Variants in PARN observed in about 807,000 individuals in gnomAD.
PARN encodes the protein poly(A)-specific ribonuclease PARN.
Under a neutral mutation model 102.8 loss-of-function variants are expected in PARN, and 71 were observed. That is an observed-to-expected ratio of 0.69 (90% CI 0.57 to 0.84). The LOEUF (loss-of-function observed/expected upper bound fraction) is 0.84, where lower values mean the gene tolerates loss of function less well. PARN is among the 40% of genes least tolerant of loss of function. PARN has a pLI of 0.00. For synonymous variants in PARN, 261 were observed against 252.9 expected, an observed-to-expected ratio of 1.03 and a Z score of -0.30; for missense variants, 782 against 760.9, an observed-to-expected ratio of 1.03 and a Z score of -0.33.
At chr16:14,447,212 T>C in intron 22 of PARN, 131 bp from the exon 23 acceptor site, 1 of 538,060 alleles carries the variant, frequency 1.9e-6, no homozygotes, top group Non-Finnish European at 3.1e-6. Context: ...AGCTGCTGCC[T>C]GTGTGTAAAA....
At chr16:14,589,700 T>C (rs1312814081) in intron 13 of PARN, among the ~76,000 whole-genome samples, 1 of 151,700 alleles carries the variant, frequency 6.6e-6, no homozygotes, top group Non-Finnish European at 1.5e-5. Context: ...ATCCCGTCTC[T>C]ACTAAAAATA....
At chr16:14,463,621 A>C (rs1048687723) in intron 22 of PARN, among the ~76,000 whole-genome samples, 2 of 152,152 alleles carry the variant, frequency 1.3e-5, no homozygotes, top group African/African-American at 4.8e-5. Context: ...TGAAAATTAC[A>C]ATGTCTGAGA....
Position 14,609,136 on chromosome 16 carries a change from A to G in PARN, c.555-13T>C. 7.6e-7 allele frequency: 1 copy of G among 1,320,112 alleles called. No homozygotes were observed. Among genetic ancestry groups the G allele is most frequent in the Non-Finnish European group, 1.1e-6 (1 of 932,312 alleles). 81.8% of individuals were successfully genotyped at this position (1,320,112 alleles called of 1,614,324 possible). On this transcript the variant is annotated splice_polypyrimidine_tract_variant and intron_variant, in intron 7 of 23. Coordinates refer to ENST00000437198, the MANE Select transcript of PARN (RefSeq NM_002582.4). ...CTCTATTTTCTCTCTGAGGAATAAG[A>G]ATAGACCATAACCATCAGTACCTTT...
intron 22 of PARN, among the ~76,000 whole-genome samples, chr16:14,465,382 G>A (rs530773273): frequency 7.2e-5 from 11 of 152,128 alleles, no homozygotes; most frequent in South Asian, 2.1e-4. Flanking sequence ...TGCACCCAGC[G>A]TAAGATTTCT....
chr16:14,586,226 C>A, intron 14 of PARN, 92 bp downstream of exon 14: 1 of 740,752 alleles, frequency 1.3e-6, no homozygotes, highest in Non-Finnish European at 2.4e-6. Context: ...ATCCTCCCAC[C>A]TCAGTCTCCC....
chr16:14,469,388 G>A (rs1962579326), intron 22 of PARN, among the ~76,000 whole-genome samples: 1 of 152,168 alleles, frequency 6.6e-6, no homozygotes, highest in African/African-American at 2.4e-5. Flanking sequence ...GAGTCCTTTT[G>A]CATTTGGGAA....
chr16:14,532,849 G>T (rs901867098), intron 21 of PARN, among the ~76,000 whole-genome samples: 1 of 151,602 alleles, frequency 6.6e-6, no homozygotes, highest in African/African-American at 2.4e-5. Flanking sequence ...GGCTGGCCGG[G>T]CGGGGGGCTG....
At position 14,446,962 on chromosome 16, in the gene PARN, C is replaced by T. The variant is rs1391226093; in HGVS notation, c.1790G>A (p.Cys597Tyr). The change falls in exon 23 of 24, where the codon TGT (cysteine) becomes TAT (tyrosine). Residue 597 changes from cysteine to tyrosine, a missense_variant. Cys to Tyr is a radical substitution (Grantham distance 194). Transcript: ENST00000437198. ...CCTTCCCTCTGAGAGGGGCTCTGCA[C>T]AGGAATCGGTCTGCTCAAGCTCAGT... ...SDTELEQTDS[C>Y]AEPLSEGRKK... 2 of 1,613,800 alleles carry T rather than the reference C, an allele frequency of 1.2e-6. No homozygotes were observed. The highest frequency in any genetic ancestry group is 4.5e-5 in the East Asian group (2 of 44,888).
In PARN at chr16:14,436,582, C is replaced by A. The variant is rs1194393425; in HGVS notation, c.*135G>T. ...ACAAAAATAAAACCTGTTTTCTCCC[C>A]CCCAGGAGACAACTTGGTTTCCAAC... On this transcript the variant is annotated 3_prime_UTR_variant, in exon 24 of 24. Coordinates refer to ENST00000437198, the MANE Select transcript of PARN (RefSeq NM_002582.4). 9.3e-6 allele frequency: 6 copies of A among 646,644 alleles called. No homozygotes were observed. The South Asian group carries it at 1.1e-4, about 12-fold the overall frequency. 40.1% of individuals were successfully genotyped at this position (646,644 alleles called of 1,614,324 possible). A position where few individuals can be genotyped will look rare whatever the true frequency, so the allele number is the denominator to read the frequency against.
rs1235749848 is a variant in PARN at position 14,629,196 on chromosome 16, G to A, written c.97+401C>T. ...AGATGAAGAAGTCCTAGAGATGGAT[G>A]GTGATGTTTGCACAGCAATGTGAAT... is the stretch of plus-strand genomic sequence containing the variant. On this transcript the variant is annotated intron_variant, in intron 2 of 23. Transcript: ENST00000437198. Among the ~76,000 whole-genome samples the A allele has an allele frequency of 2.6e-5, 4 of 152,278 alleles. No homozygotes were observed. The East Asian group carries it at 5.8e-4, about 22-fold the overall frequency.
At chr16:14,590,103 T>C (rs904546111) in intron 13 of PARN, among the ~76,000 whole-genome samples, 3 of 149,642 alleles carry the variant, frequency 2.0e-5, no homozygotes, top group African/African-American at 7.4e-5. Flanking sequence ...ATACAAAAAT[T>C]AGCTGGGCAT....
At chr16:14,554,184 G>A (rs1428848154) in intron 19 of PARN, 33 bp from the exon 20 acceptor site, 1 of 1,422,766 alleles carries the variant, frequency 7.0e-7, no homozygotes, top group Non-Finnish European at 9.9e-7. Context: ...AATATTGATG[G>A]GTGAAAAGTG....
intron 18 of PARN, among the ~76,000 whole-genome samples, chr16:14,569,700 G>A (rs1238320361): frequency 3.3e-5 from 5 of 152,186 alleles, no homozygotes; most frequent in Non-Finnish European, 7.3e-5. Flanking sequence ...GAAGCAATGA[G>A]TTGCTCAAAA....
In PARN at chr16:14,446,929, G is replaced by C. The variant is rs1197244368; in HGVS notation, c.1823C>G (p.Ala608Gly). The C allele has an allele frequency of 3.1e-6, 5 of 1,613,020 alleles. No homozygotes were observed. Among genetic ancestry groups the C allele is most frequent in the Non-Finnish European group, 4.2e-6 (5 of 1,179,552 alleles). ...CTTCTTCATTCTTTTTAATTTCTTG[G>C]CCTTTTTCCTTCCCTCTGAGAGGGG... is the stretch of plus-strand genomic sequence containing the variant. ...AEPLSEGRKK[A>G]KKLKRMKKEL... is the part of the protein sequence containing the mutation. The change falls in exon 23 of 24, where the codon GCC becomes GGC. Residue 608 changes from alanine (A) to glycine (G), a missense_variant. Physicochemically the swap from Ala to Gly is moderately conservative, Grantham distance 60. Transcript: ENST00000437198.
At chr16:14,617,156 G>A (rs1346945219) in intron 6 of PARN, among the ~76,000 whole-genome samples, 1 of 151,110 alleles carries the variant, frequency 6.6e-6, no homozygotes, top group East Asian at 1.9e-4. Context: ...AGGCCAAGGT[G>A]GGCAGATCAC....
chr16:14,536,265 T>C (rs1966601884), intron 21 of PARN, among the ~76,000 whole-genome samples: 1 of 152,222 alleles, frequency 6.6e-6, no homozygotes, highest in African/African-American at 2.4e-5. Flanking sequence ...ACTGTGAGGT[T>C]GTAGGGAACA....
intron 21 of PARN, among the ~76,000 whole-genome samples, chr16:14,523,131 C>CA (rs201925913): frequency 6.6e-6 from 1 of 151,094 alleles, no homozygotes; most frequent in East Asian, 1.9e-4. Context: ...GAGTTCAGGA[C>CA]AAAAAAACCC....
chr16:14,577,397 C>T (rs1969210409), intron 18 of PARN, among the ~76,000 whole-genome samples: 1 of 152,072 alleles, frequency 6.6e-6, no homozygotes, highest in South Asian at 2.1e-4. Flanking sequence ...ATTGTTTTTC[C>T]TTCTTTTTTC....
intron 5 of PARN, among the ~76,000 whole-genome samples, chr16:14,625,916 C>T (rs779139142): frequency 6.6e-6 from 1 of 152,166 alleles, no homozygotes; most frequent in Non-Finnish European, 1.5e-5. Context: ...CACATAGCCA[C>T]ACAACCATAC....
Sources: gnomAD v4.1 joint callset for allele counts (sites outside exome capture counted in the v4.1 genomes callset) on GRCh38, gnomAD v4.1.1 for gene constraint, MANE v1.5 for transcripts, NCBI Gene and HGNC (gene_info 2026-07-23, HGNC 2026-07-21) for gene names.